PIEZO1: variants seen among roughly 807,000 people sequenced by gnomAD.
PIEZO1 encodes the protein piezo-type mechanosensitive ion channel component 1.
PIEZO1 carries 296 observed loss-of-function variants against 297.2 expected under a neutral mutation model. The observed-to-expected ratio is 1.00, with a 90% confidence interval of 0.91 to 1.10. The LOEUF (loss-of-function observed/expected upper bound fraction) is 1.10, where lower values mean the gene tolerates loss of function less well. Among genes scored for constraint, PIEZO1 ranks in the 50% least tolerant of loss-of-function variants. The probability of loss-of-function intolerance (pLI) is 0.00; values close to 1 mark genes in which losing one functional copy is unlikely to be tolerated. For synonymous variants in PIEZO1, 2,427 were observed against 1,507.5 expected (o/e 1.61, Z -14.13); for missense variants, 5,018 against 3,455.5 (o/e 1.45, Z -11.34).
Position 88,716,727 on chromosome 16 carries a change from G to A in PIEZO1, c.6758C>T (p.Ala2253Val). Residue 2253 changes from alanine (A) to valine (V), a missense_variant, in exon 47 of 51, where the codon GCC (alanine) becomes GTC (valine). Transcript: ENST00000301015. The part of the protein sequence containing the change: ...LSRQFDPQPL[A>V]MQFISQYSPE... Reference sequence around the variant, plus strand: ...GCTGTACTGGCTGATGAACTGCATGGCCAGCTGGGTACAAGTGACACCCTC... The same window carrying A: ...GCTGTACTGGCTGATGAACTGCATGACCAGCTGGGTACAAGTGACACCCTC... 2 of 1,547,972 alleles carry A rather than the reference G, an allele frequency of 1.3e-6. No homozygotes were observed. The highest frequency in any genetic ancestry group is 1.7e-6 in the Non-Finnish European group (2 of 1,146,796).
At position 88,723,408 on chromosome 16, in the gene PIEZO1, G is replaced by T. The variant is rs527617305; in HGVS notation, c.4336-80C>A. On this transcript the variant is annotated intron_variant, in intron 31 of 50. Coordinates refer to ENST00000301015, the MANE Select transcript of PIEZO1 (RefSeq NM_001142864.4). ...GGGAAGCTGGGGTTGGGCAAGCCGG[G>T]CGCCAGATCCAGATCCCTGCTCTGT... is the stretch of plus-strand genomic sequence containing the variant. The T allele has an allele frequency of 8.8e-6, 13 of 1,484,484 alleles. No individual in the cohort carries two copies. The South Asian group carries it at 1.5e-4, about 17-fold the overall frequency. The allele number at this position is 1,484,484 out of a possible 1,614,324, so 92.0% of individuals were successfully genotyped here.
intron 1 of PIEZO1, among the ~76,000 whole-genome samples, chr16:88,773,348 G>A (rs1308193438): frequency 4.6e-5 from 7 of 152,260 alleles, no homozygotes; most frequent in Non-Finnish European, 2.9e-5. Flanking sequence ...ACCTGGCGTG[G>A]GGGCCAGGGA....
At chr16:88,745,309 C>A (rs1255350280) in intron 2 of PIEZO1, 3 of 126,710 alleles carry the variant, frequency 2.4e-5, no homozygotes, top group Admixed American at 8.3e-5. Context: ...CCGCCCAGCT[C>A]TGGCCGGCAA....
In PIEZO1 at chr16:88,721,795, G is replaced by C; in HGVS notation, c.5214+13C>G. ...GTGGGCCGGGCGCCCCCTCCCCCGC[G>C]GCCTCGGCCCACCTCGGTGAAGACG... On this transcript the variant is annotated intron_variant, in intron 37 of 50. Coordinates refer to ENST00000301015, the MANE Select transcript of PIEZO1 (RefSeq NM_001142864.4). 6.5e-7 allele frequency: 1 copy of C among 1,538,638 alleles called. No individual in the cohort carries two copies. The highest frequency in any genetic ancestry group is 8.8e-7 in the Non-Finnish European group (1 of 1,142,220).
At chr16:88,750,953 C>A (rs114419097) in intron 1 of PIEZO1, among the ~76,000 whole-genome samples, 2,212 of 152,144 alleles carry the variant, frequency 0.015, 54 homozygotes, top group African/African-American at 0.05. Context: ...CCAAGCGAGA[C>A]CCCTGGCTGC....
chr16:88,716,123 G>A lies in PIEZO1; in HGVS notation c.7130-4C>T. 6.5e-7 allele frequency: 1 copy of A among 1,540,794 alleles called. No homozygotes were observed. The highest frequency in any genetic ancestry group is 1.2e-5 in the South Asian group (1 of 83,276). On this transcript the variant is annotated splice_polypyrimidine_tract_variant and splice_region_variant and intron_variant, in intron 49 of 50. Coordinates refer to ENST00000301015, the MANE Select transcript of PIEZO1 (RefSeq NM_001142864.4). Reference sequence around the variant, plus strand: ...CCGAGGTAGTCGGCCTCCTCATCTGGGATGGAGGGAGAAGATCGTTGAGGC... The same window carrying A: ...CCGAGGTAGTCGGCCTCCTCATCTGAGATGGAGGGAGAAGATCGTTGAGGC...
Position 88,726,587 on chromosome 16 carries a change from C to T in PIEZO1, c.3756G>A (p.Gln1252=). The change falls in exon 26 of 51, where the codon CAG becomes CAA. Residue 1252 remains glutamine (Q), a synonymous_variant. Coordinates refer to ENST00000301015, the MANE Select transcript of PIEZO1 (RefSeq NM_001142864.4). ...QMQTGFCWVI[Q]LFSLVCTVKG... is the part of the protein sequence containing the mutation. ...TGACGGTGCATACAAGGCTGAAGAG[C>T]TGGATGACCCAGCAGAAGCCGGTCT... The T allele has an allele frequency of 1.3e-6, 2 of 1,549,708 alleles. No homozygotes were observed. The highest frequency in any genetic ancestry group is 1.7e-6 in the Non-Finnish European group (2 of 1,146,726).
chr16:88,733,766 G>T (rs1351440154), intron 17 of PIEZO1, 21 bp from the exon 18 acceptor site: 1 of 1,511,736 alleles, frequency 6.6e-7, no homozygotes, highest in African/African-American at 1.4e-5. Context: ...GTGAGGGTCA[G>T]TGCGGGGCAC....
rs11640422 is a variant in PIEZO1, at chr16:88,742,697, A to T, written c.161-275T>A. 290,177 of 460,570 alleles carry T rather than the reference A, an allele frequency of 0.63. 94,013 individuals carry two copies. Among genetic ancestry groups the T allele is most frequent in the Middle Eastern group, 0.7 (1,175 of 1,682 alleles). The allele number at this position is 460,570 out of a possible 1,614,324, so 28.5% of individuals were successfully genotyped here. On this transcript the variant is annotated intron_variant, in intron 2 of 50. Transcript: ENST00000301015. Reference sequence around the variant, plus strand: ...GCAGGAAAAGGCCTCCCAGGCTCAGAGGAAACCACCTGGGGTGTGCTCCCT... The same window carrying T: ...GCAGGAAAAGGCCTCCCAGGCTCAGTGGAAACCACCTGGGGTGTGCTCCCT...
rs576471900 is a variant in PIEZO1, at chr16:88,719,304, G to C, written c.6471+270C>G. ...AGAATGCAGCAAACAGTGGCTGTCC[G>C]GTCCTCCCTGCACCAGGCCCTGCTC... On this transcript the variant is annotated intron_variant, in intron 44 of 50. Transcript: ENST00000301015. 87 of 453,120 alleles carry C rather than the reference G, an allele frequency of 1.9e-4. No homozygotes were observed. The South Asian group carries it at 2.4e-3, about 12-fold the overall frequency. 28.1% of individuals were successfully genotyped at this position (453,120 alleles called of 1,614,324 possible). A position where few individuals can be genotyped will look rare whatever the true frequency, so the allele number is the denominator to read the frequency against.
Position 88,715,720 on chromosome 16 carries a change from A to G in PIEZO1, c.7451T>C (p.Ile2484Thr). 1.9e-6 allele frequency: 3 copies of G among 1,550,404 alleles called. No homozygotes were observed. The South Asian group carries it at 3.6e-5, about 18-fold the overall frequency. The part of the protein sequence containing the change: ...VDRILKLCQD[I>T]FLVRETRELE... ...CTCCCGAGTCTCCCGCACCAGGAAG[A>G]TGTCCTGGCAGAGCTTGAGGATGCG... Residue 2484 changes from isoleucine to threonine, a missense_variant, in exon 51 of 51, where the codon ATC becomes ACC. By Grantham distance (89) the Ile-to-Thr change is moderately conservative. Transcript: ENST00000301015.
At chr16:88,774,306 G>A (rs991373251) in intron 1 of PIEZO1, among the ~76,000 whole-genome samples, 1 of 152,206 alleles carries the variant, frequency 6.6e-6, no homozygotes, top group Admixed American at 6.5e-5. Flanking sequence ...CATGAGAATC[G>A]CTTGAACCCG....
intron 44 of PIEZO1, 39 bp downstream of exon 44, chr16:88,719,535 C>A (rs1368805142): frequency 1.3e-6 from 2 of 1,526,652 alleles, no homozygotes; most frequent in African/African-American, 1.4e-5. Context: ...AGGGCATATC[C>A]CTGGCCCTTG....
chr16:88,749,287 G>T, intron 2 of PIEZO1, 97 bp downstream of exon 2: 1 of 722,000 alleles, frequency 1.4e-6, no homozygotes, highest in Non-Finnish European at 2.1e-6. Flanking sequence ...TTCCACCCCG[G>T]GCTGTTAAAG....
chr16:88,773,219 A>T (rs1353048041), intron 1 of PIEZO1, among the ~76,000 whole-genome samples: 4 of 152,216 alleles, frequency 2.6e-5, no homozygotes, highest in Non-Finnish European at 5.9e-5. Flanking sequence ...TCCCGGCGTC[A>T]CGCCCAGGCC....
At chr16:88,756,342 G>A (rs1597476725) in intron 1 of PIEZO1, among the ~76,000 whole-genome samples, 2 of 152,150 alleles carry the variant, frequency 1.3e-5, no homozygotes, top group East Asian at 3.9e-4. Context: ...TTCTGCCTCG[G>A]GACTCTGGAC....
chr16:88,720,528 G>A lies in PIEZO1; in HGVS notation c.5806C>T (p.Gln1936Ter), dbSNP rs1041561199. 6.5e-7 allele frequency: 1 copy of A among 1,549,756 alleles called. No homozygotes were observed. The highest frequency in any genetic ancestry group is 2.0e-5 in the Admixed American group (1 of 50,990). Residue 1936 changes from glutamine (Q) to a stop codon, truncating the protein, a stop_gained, in exon 41 of 51, where the codon CAG becomes TAG. Transcript: ENST00000301015. LOFTEE classifies it high-confidence loss of function. ...CGCCGTAGCGGCCGATATGTGCCCT[G>A]GGCCCTGCGGAAGGGGGCGCTCAGC... ...RLQGFCLSLAQGTYRPLRRFF... is the reference protein window; with the variant it reads ...RLQGFCLSLA
chr16:88,784,364 G>T (rs1037878552), intron 1 of PIEZO1, among the ~76,000 whole-genome samples: 4 of 152,254 alleles, frequency 2.6e-5, no homozygotes, highest in Middle Eastern at 3.2e-3. Context: ...GGGGGGTGCA[G>T]CGGTGAGCGG....
In PIEZO1 at chr16:88,725,669, G is replaced by A. The variant is rs1252256442; in HGVS notation, c.3984C>T (p.Tyr1328=). Reference sequence around the variant, plus strand: ...CAATGCTCTTGAGGTTGGCAGCGTTGTAGAGGGCGAAGCCCCTGTAGGGAG... The same window carrying A: ...CAATGCTCTTGAGGTTGGCAGCGTTATAGAGGGCGAAGCCCCTGTAGGGAG... ...ALLASRGFAL[Y]NAANLKSIDF... The change falls in exon 28 of 51, where the codon TAC becomes TAT. Residue 1328 remains tyrosine, a synonymous_variant. Coordinates refer to ENST00000301015, the MANE Select transcript of PIEZO1 (RefSeq NM_001142864.4). The A allele has an allele frequency of 6.5e-7, 1 of 1,545,512 alleles. No individual in the cohort carries two copies.
Sources: allele counts gnomAD v4.1 joint callset (sites outside exome capture counted in the v4.1 genomes callset), GRCh38; gene constraint gnomAD v4.1.1; transcripts MANE v1.5; gene names NCBI Gene and HGNC (gene_info 2026-07-23, HGNC 2026-07-21).